The following PCNT variants were observed in gnomAD, a reference collection of about 807,000 sequenced individuals.
PCNT encodes pericentrin, also known as kendrin.
A neutral mutation model predicts 380.4 loss-of-function variants in PCNT; 319 were observed. The observed-to-expected ratio is 0.84, with a 90% confidence interval of 0.77 to 0.92. The LOEUF is 0.92. Among genes scored for constraint, PCNT ranks in the 40% least tolerant of loss-of-function variants. The pLI, the probability that PCNT is intolerant of heterozygous loss-of-function variation, is 0.00. For synonymous variants in PCNT, 1,845 were observed against 1,735.2 expected (o/e 1.06, Z -1.57); for missense variants, 4,400 against 4,255.3 (o/e 1.03, Z -0.95).
chr21:46,358,554 G>A (rs1401699266), intron 13 of PCNT, among the ~76,000 whole-genome samples: 1 of 152,204 alleles, frequency 6.6e-6, no homozygotes, highest in East Asian at 1.9e-4. Flanking sequence ...CCAGTGTGTG[G>A]CCTTCTCTGG....
intron 32 of PCNT, among the ~76,000 whole-genome samples, chr21:46,424,802 C>T (rs2087426242): frequency 6.6e-6 from 1 of 151,610 alleles, no homozygotes; most frequent in East Asian, 1.9e-4. Flanking sequence ...CAACCCCACC[C>T]TGCTCTGCCG....
intron 15 of PCNT, among the ~76,000 whole-genome samples, chr21:46,367,615 G>A (rs1387489353): frequency 1.3e-5 from 2 of 152,104 alleles, no homozygotes; most frequent in Non-Finnish European, 2.9e-5. Flanking sequence ...CCTGAGCTGG[G>A]CTTTAAAACA....
At chr21:46,354,796 G>A (rs766668925) in intron 11 of PCNT, among the ~76,000 whole-genome samples, 3 of 152,342 alleles carry the variant, frequency 2.0e-5, no homozygotes, top group Non-Finnish European at 1.5e-5. Flanking sequence ...GTGGCAGCGG[G>A]CTGTGTGCCA....
chr21:46,401,061 GA>G (rs913895464), intron 25 of PCNT, among the ~76,000 whole-genome samples: 3 of 152,234 alleles, frequency 2.0e-5, no homozygotes, highest in African/African-American at 4.8e-5. Flanking sequence ...GCCAGGGTTA[GA>G]AAATGTGTTT....
Position 46,416,297 on chromosome 21 carries a change from G to A in PCNT, c.6379G>A (p.Asp2127Asn), listed in dbSNP as rs1160440180. The A allele has an allele frequency of 2.5e-6, 4 of 1,613,900 alleles. No individual in the cohort carries two copies. In the Admixed American group the frequency reaches 5.0e-5, roughly 20 times the overall value. Residue 2127 changes from aspartate to asparagine, a missense_variant, in exon 30 of 47, where the codon GAC (aspartate) becomes AAC (asparagine). Transcript: ENST00000359568. ...GEEPDISPHI[D>N]TCDANTATGG... ...AGAGCCTGACATATCACCCCACATAGACACATGTGATGCCAATACAGCCAC... is the reference window on the plus strand; with the variant it reads ...AGAGCCTGACATATCACCCCACATAAACACATGTGATGCCAATACAGCCAC...
chr21:46,442,299 C>T (rs534907229), intron 43 of PCNT, among the ~76,000 whole-genome samples, 198 bp from the exon 44 acceptor site: 15 of 152,134 alleles, frequency 9.9e-5, no homozygotes, highest in Admixed American at 6.5e-4. Context: ...TCGCCGCCGC[C>T]GGCAGCCCTG....
intron 10 of PCNT, 122 bp from the exon 11 acceptor site, chr21:46,353,865 C>T (rs2084373179): frequency 7.3e-6 from 6 of 820,188 alleles, no homozygotes; most frequent in South Asian, 2.9e-5. Context: ...GGACATTGCC[C>T]GTCCTTGACT....
intron 21 of PCNT, among the ~76,000 whole-genome samples, chr21:46,396,500 C>T (rs547009362): frequency 4.5e-4 from 69 of 152,326 alleles, no homozygotes; most frequent in African/African-American, 1.0e-3. Context: ...CTTGCGGCCT[C>T]GTCACCTTTT....
chr21:46,372,075 CAGCACATGCGCACACAT>C, intron 15 of PCNT, among the ~76,000 whole-genome samples: 1 of 151,134 alleles, frequency 6.6e-6, no homozygotes, highest in African/African-American at 2.4e-5. Flanking sequence ...CACATGCACA[CAGCACATGCGCACACAT>C]AGCACATGTG....
chr21:46,342,419 T>A (rs2083934284), intron 3 of PCNT, among the ~76,000 whole-genome samples: 1 of 152,110 alleles, frequency 6.6e-6, no homozygotes, highest in Non-Finnish European at 1.5e-5. Context: ...CATACTGTAT[T>A]TTTATAGTGA....
intron 3 of PCNT, 127 bp downstream of exon 3, chr21:46,334,895 C>T: frequency 6.9e-7 from 1 of 1,455,804 alleles, no homozygotes; most frequent in Non-Finnish European, 9.4e-7. Flanking sequence ...AAACTGGAAG[C>T]ATAGAGAGCT....
rs779051502 is a variant in PCNT, at chr21:46,398,172, C to G, written c.4563+42C>G. On this transcript the variant is annotated intron_variant, in intron 23 of 46. Transcript: ENST00000359568. ...TGCAGTGCTGCTGGTTGCTGTCTTT[C>G]ACTGTGTTTTTAAGCTTTAACTTTC... 1.9e-6 allele frequency: 3 copies of G among 1,606,434 alleles called. No homozygotes were observed. The Admixed American group carries it at 5.1e-5, about 27-fold the overall frequency.
At position 46,388,407 on chromosome 21, in the gene PCNT, G is replaced by A. The variant is rs562308824; in HGVS notation, c.3465-335G>A. On this transcript the variant is annotated intron_variant, in intron 17 of 46. Coordinates refer to ENST00000359568, the MANE Select transcript of PCNT (RefSeq NM_006031.6). This position sits in a 1 kb window ranked among gnomAD's most constrained non-coding sequence, Gnocchi z 4.2. ...AGGGGAGGGGCGGAGCCTGTGTGCT[G>A]CTCCCGGGTGATTGACGCTGTGCGG... Among the ~76,000 whole-genome samples the A allele has an allele frequency of 8.5e-5, 13 of 152,338 alleles. No homozygotes were observed. The South Asian group carries it at 2.3e-3, about 27-fold the overall frequency.
chr21:46,336,057 A>G (rs763713496), intron 3 of PCNT, among the ~76,000 whole-genome samples: 11 of 151,224 alleles, frequency 7.3e-5, no homozygotes, highest in South Asian at 2.1e-4. Context: ...GCTCACTGCA[A>G]CCTCCGCCTC....
intron 15 of PCNT, among the ~76,000 whole-genome samples, chr21:46,376,702 G>A (rs2085342150): frequency 1.3e-5 from 2 of 152,188 alleles, no homozygotes; most frequent in Admixed American, 6.5e-5. Flanking sequence ...CTCCTGGCCC[G>A]CTGCCCCCTC....
chr21:46,337,132 C>A (rs887080365), intron 3 of PCNT, among the ~76,000 whole-genome samples: 1 of 151,968 alleles, frequency 6.6e-6, no homozygotes, highest in East Asian at 1.9e-4. Flanking sequence ...CTAGTAGCTG[C>A]GATTACAAGT....
rs557736988 is a variant in PCNT, at chr21:46,367,154, C to G, written c.3165+15C>G. 2 of 1,608,130 alleles carry G rather than the reference C, an allele frequency of 1.2e-6. No homozygotes were observed. The highest frequency in any genetic ancestry group is 2.7e-5 in the African/African-American group (2 of 74,868). ...GAGTGCACCAGGTAAGGCGCCAGGG[C>G]CCTGCCCCAGCCCAGGGCAGGCCTC... On this transcript the variant is annotated intron_variant, in intron 15 of 46. Transcript: ENST00000359568.
intron 15 of PCNT, among the ~76,000 whole-genome samples, chr21:46,371,055 TAAAA>T (rs144286509): frequency 6.2e-4 from 94 of 151,164 alleles, no homozygotes; most frequent in African/African-American, 2.1e-3. Flanking sequence ...TATATGAAAA[TAAAA>T]ATAATAAATA....
At chr21:46,390,528 C>T (rs907263988) in intron 19 of PCNT, 142 bp from the exon 20 acceptor site, 11 of 837,374 alleles carry the variant, frequency 1.3e-5, no homozygotes, top group Middle Eastern at 3.2e-4. Flanking sequence ...GAGATGTGCT[C>T]AGGTCCCGTC....
Sources: allele counts gnomAD v4.1 joint callset (sites outside exome capture counted in the v4.1 genomes callset), GRCh38; gene constraint gnomAD v4.1.1; non-coding constraint Gnocchi (gnomAD v3.1); transcripts MANE v1.5; gene names NCBI Gene and HGNC (gene_info 2026-07-23, HGNC 2026-07-21).